Variants in PCDH9 observed in about 807,000 individuals in gnomAD.
PCDH9 encodes protocadherin 9, also known as protocadherin-9.
In PCDH9, 24 loss-of-function variants were observed where a neutral mutation model predicts 70.6. That is an observed-to-expected ratio of 0.34 (90% confidence interval 0.25 to 0.48). The LOEUF (loss-of-function observed/expected upper bound fraction) is 0.48, where lower values mean the gene tolerates loss of function less well. Ranked by LOEUF, PCDH9 falls within the 20% of genes least tolerant of loss-of-function variation. The probability of loss-of-function intolerance (pLI) is 0.99; values close to 1 mark genes in which losing one functional copy is unlikely to be tolerated. For missense variants in PCDH9, 1,281 were observed against 1,503.6 expected, an observed-to-expected ratio of 0.85 and a Z score of 2.45; for synonymous variants, 562 against 558.5, an observed-to-expected ratio of 1.01 and a Z score of -0.09.
intron 2 of PCDH9, among the ~76,000 whole-genome samples, chr13:67,115,744 CT>C (rs1180418524): frequency 4.6e-5 from 7 of 151,670 alleles, no homozygotes; most frequent in African/African-American, 1.7e-4. Context: ...CCTTATCTGA[CT>C]TTAATATGTG....
chr13:66,491,138 A>C (rs1024267690), intron 4 of PCDH9, among the ~76,000 whole-genome samples: 7 of 152,188 alleles, frequency 4.6e-5, no homozygotes, highest in Admixed American at 3.3e-4. Context: ...CAAAATAGGC[A>C]CTTCTTTTGC....
At chr13:67,170,766 A>G (rs561706242) in intron 2 of PCDH9, among the ~76,000 whole-genome samples, 95 of 152,126 alleles carry the variant, frequency 6.2e-4, no homozygotes, top group Non-Finnish European at 6.6e-4. Flanking sequence ...CGCTACTAAA[A>G]ATACAAAAAT....
chr13:67,127,816 G>T (rs994584836), intron 2 of PCDH9, among the ~76,000 whole-genome samples: 1 of 151,908 alleles, frequency 6.6e-6, no homozygotes, highest in African/African-American at 2.4e-5. Flanking sequence ...TGTTGCAAGG[G>T]AGTCAGTACT....
chr13:66,981,105 G>A (rs1428241990), intron 2 of PCDH9, among the ~76,000 whole-genome samples: 1 of 151,886 alleles, frequency 6.6e-6, no homozygotes, highest in Non-Finnish European at 1.5e-5. Flanking sequence ...TGTCCATAAA[G>A]ACATTTACAG....
chr13:66,543,196 G>A (rs12584543), intron 4 of PCDH9, among the ~76,000 whole-genome samples: 2,236 of 152,038 alleles, frequency 0.015, 19 homozygotes, highest in Middle Eastern at 0.054. Context: ...ACACGTTATC[G>A]TTTCATATCA....
intron 2 of PCDH9, among the ~76,000 whole-genome samples, chr13:67,107,381 G>A (rs573524765): frequency 3.9e-5 from 6 of 152,098 alleles, no homozygotes; most frequent in East Asian, 1.9e-4. Flanking sequence ...CAATCAACAC[G>A]CATATTCTAA....
chr13:66,622,801 T>C (rs2077443800), intron 4 of PCDH9, among the ~76,000 whole-genome samples: 2 of 152,182 alleles, frequency 1.3e-5, no homozygotes, highest in South Asian at 2.1e-4. Flanking sequence ...GCTGGTGGAC[T>C]TTCCCACTGT....
chr13:67,214,941 T>TATAC (rs1208508415), intron 2 of PCDH9: 1 of 59,356 alleles, frequency 1.7e-5, no homozygotes, highest in African/African-American at 5.3e-5. Context: ...GCCAGATATA[T>TATAC]ATATATATAT....
intron 2 of PCDH9, among the ~76,000 whole-genome samples, chr13:67,053,340 A>G (rs2085357574): frequency 6.6e-6 from 1 of 152,192 alleles, no homozygotes; most frequent in Non-Finnish European, 1.5e-5. Flanking sequence ...AAGGATATGA[A>G]AGCCACAAAT....
chr13:66,350,283 A>G (rs902171279), intron 4 of PCDH9, among the ~76,000 whole-genome samples: 7 of 152,152 alleles, frequency 4.6e-5, no homozygotes, highest in Non-Finnish European at 1.0e-4. Context: ...AATTTTTCCA[A>G]CCATATAGGC....
intron 3 of PCDH9, among the ~76,000 whole-genome samples, chr13:66,839,018 A>G (rs1330130093): frequency 6.6e-6 from 1 of 152,078 alleles, no homozygotes; most frequent in Non-Finnish European, 1.5e-5. Context: ...ATAATAATGA[A>G]ATTTTAATCA....
intron 4 of PCDH9, among the ~76,000 whole-genome samples, chr13:66,365,303 A>T (rs545803815): frequency 6.6e-6 from 1 of 152,268 alleles, no homozygotes; most frequent in African/African-American, 2.4e-5. Flanking sequence ...TCTAGAGAAC[A>T]TGGTTGTCTG....
chr13:67,219,287 T>A (rs2089673635), intron 2 of PCDH9: 1 of 152,004 alleles, frequency 6.6e-6, no homozygotes, highest in African/African-American at 2.4e-5. Context: ...TGGTAATAAA[T>A]CTTTTTTGTT....
intron 3 of PCDH9, among the ~76,000 whole-genome samples, chr13:66,846,261 C>T (rs747386641): frequency 7.9e-5 from 12 of 151,696 alleles, no homozygotes; most frequent in Non-Finnish European, 1.0e-4. Flanking sequence ...TTACTAAACA[C>T]GTAATACCTT....
At chr13:66,997,233 G>A (rs2084135937) in intron 2 of PCDH9, among the ~76,000 whole-genome samples, 1 of 152,168 alleles carries the variant, frequency 6.6e-6, no homozygotes, top group Non-Finnish European at 1.5e-5. Flanking sequence ...TCTACAGGCT[G>A]GACAGGAAGC....
intron 2 of PCDH9, among the ~76,000 whole-genome samples, chr13:67,157,220 C>A (rs949526108): frequency 5.3e-5 from 8 of 152,098 alleles, no homozygotes; most frequent in Admixed American, 5.2e-4. Flanking sequence ...TAACTTTTTT[C>A]ACATTCTTCC....
chr13:67,102,831 C>G (rs1010175239), intron 2 of PCDH9, among the ~76,000 whole-genome samples: 14 of 151,978 alleles, frequency 9.2e-5, no homozygotes, highest in African/African-American at 3.4e-4. Context: ...TAGTATATAC[C>G]TGAATTTAGT....
At chr13:66,608,755 GA>G (rs960925478) in intron 4 of PCDH9, among the ~76,000 whole-genome samples, 2 of 150,884 alleles carry the variant, frequency 1.3e-5, no homozygotes, top group Admixed American at 6.6e-5. Flanking sequence ...ACCACAGGAC[GA>G]AAAAAAATAA....
intron 3 of PCDH9, among the ~76,000 whole-genome samples, chr13:66,888,751 C>T (rs1019761470): frequency 6.6e-6 from 1 of 152,044 alleles, no homozygotes; most frequent in Non-Finnish European, 1.5e-5. Flanking sequence ...TGCAATTTTA[C>T]TTCATTCTTT....
Sources: allele counts gnomAD v4.1 joint callset (sites outside exome capture counted in the v4.1 genomes callset), GRCh38; gene constraint gnomAD v4.1.1; transcripts MANE v1.5; gene names NCBI Gene and HGNC (gene_info 2026-07-23, HGNC 2026-07-21).